KMT2C: variants seen among roughly 807,000 people sequenced by gnomAD.
The protein encoded by KMT2C is histone-lysine N-methyltransferase 2C.
In KMT2C, 88 loss-of-function variants were observed where a neutral mutation model predicts 507.9. The ratio of observed to expected loss-of-function variants is 0.17; its 90% CI spans 0.15 to 0.21. KMT2C has a LOEUF of 0.21. Ranked by LOEUF, KMT2C falls within the 10% of genes least tolerant of loss-of-function variation. KMT2C has a pLI of 1.00. For synonymous variants in KMT2C, 2,049 were observed against 2,080.8 expected, an observed-to-expected ratio of 0.98 and a Z score of 0.42; for missense variants, 4,954 against 5,957.8, an observed-to-expected ratio of 0.83 and a Z score of 5.55.
intron 18 of KMT2C, among the ~76,000 whole-genome samples, chr7:152,227,463 CA>C (rs1563484339): frequency 6.6e-6 from 1 of 152,128 alleles, no homozygotes; most frequent in African/African-American, 2.4e-5. Context: ...GAAAATGGGA[CA>C]AAGTGTATGA....
chr7:152,140,459 G>A (rs1339484946), intron 55 of KMT2C, among the ~76,000 whole-genome samples: 2 of 152,214 alleles, frequency 1.3e-5, no homozygotes, highest in African/African-American at 2.4e-5. Flanking sequence ...GGCCTGCCAG[G>A]TGCACTATTC....
chr7:152,155,998 A>G lies in KMT2C; in HGVS notation c.11872T>C (p.Leu3958=), dbSNP rs966136500. 1.2e-6 allele frequency: 2 copies of G among 1,610,108 alleles called. No homozygotes were observed. Among genetic ancestry groups the G allele is most frequent in the Admixed American group, 1.7e-5 (1 of 58,376 alleles). Residue 3958 remains leucine, a synonymous_variant, in exon 46 of 59, where the codon TTG becomes CTG. Transcript: ENST00000262189. Reference sequence around the variant, plus strand: ...GGGCCCTGAGCAAGAGCTCGGGCCAACAAGTCGTCCTGGGGTCTGAAGGGC... The same window carrying G: ...GGGCCCTGAGCAAGAGCTCGGGCCAGCAAGTCGTCCTGGGGTCTGAAGGGC... The part of the protein sequence containing the change: ...QLPFRPQDDL[L]ARALAQGPKT...
intron 1 of KMT2C, chr7:152,368,231 C>A: frequency 2.2e-6 from 2 of 900,090 alleles, no homozygotes; most frequent in Non-Finnish European, 3.8e-6. Context: ...AAAACACACA[C>A]TCAGGACTTG....
intron 16 of KMT2C, 86 bp downstream of exon 16, chr7:152,235,731 C>T (rs1465263423): frequency 1.9e-6 from 2 of 1,034,618 alleles, no homozygotes; most frequent in Non-Finnish European, 3.0e-6. Context: ...ATTTATATGA[C>T]TCTTAAGATC....
intron 40 of KMT2C, 61 bp downstream of exon 40, chr7:152,171,203 T>G: frequency 8.9e-7 from 1 of 1,128,828 alleles, no homozygotes; most frequent in Admixed American, 2.3e-5. Context: ...CTCTAAAGCA[T>G]GAGTTTGCTG....
intron 14 of KMT2C, among the ~76,000 whole-genome samples, chr7:152,240,939 T>G (rs2095370948): frequency 6.6e-6 from 1 of 152,186 alleles, no homozygotes; most frequent in South Asian, 2.1e-4. Flanking sequence ...AGAGAAACTT[T>G]TCAAAAGTAC....
At chr7:152,424,300 C>G (rs942927053) in intron 1 of KMT2C, among the ~76,000 whole-genome samples, 1 of 151,922 alleles carries the variant, frequency 6.6e-6, no homozygotes, top group Non-Finnish European at 1.5e-5. Flanking sequence ...TTGTTCTTAG[C>G]GTCCCTTAAT....
chr7:152,288,617 T>C (rs1366278566), intron 6 of KMT2C, among the ~76,000 whole-genome samples: 2 of 152,170 alleles, frequency 1.3e-5, no homozygotes, highest in African/African-American at 4.8e-5. Flanking sequence ...GCAACATTCC[T>C]GTCACTGGAA....
At chr7:152,392,921 C>A (rs1286271737) in intron 1 of KMT2C, among the ~76,000 whole-genome samples, 1 of 152,106 alleles carries the variant, frequency 6.6e-6, no homozygotes, top group African/African-American at 2.4e-5. Context: ...ATAGTGATAT[C>A]TTGTCTCTAC....
intron 9 of KMT2C, among the ~76,000 whole-genome samples, chr7:152,254,505 G>A (rs770491094): frequency 4.6e-5 from 7 of 152,086 alleles, no homozygotes; most frequent in Non-Finnish European, 1.0e-4. Context: ...GATGATTAAA[G>A]AAAGAAGTCT....
chr7:152,333,500 A>G lies in KMT2C; in HGVS notation c.251-2761T>C, dbSNP rs76628405. Among the ~76,000 whole-genome samples the G allele has an allele frequency of 4.6e-5, 7 of 152,322 alleles. No individual in the cohort carries two copies. The East Asian group carries it at 5.8e-4, about 13-fold the overall frequency. On this transcript the variant is annotated intron_variant, in intron 2 of 58. Coordinates refer to ENST00000262189, the MANE Select transcript of KMT2C (RefSeq NM_170606.3). ...TCTGGACTTTATGATTTGTAAGTCA[A>G]CATCTCTAGCACTAACTCCTCTCCT...
intron 48 of KMT2C, 118 bp from the exon 49 acceptor site, chr7:152,153,072 A>C: frequency 1.5e-6 from 2 of 1,311,030 alleles, no homozygotes; most frequent in South Asian, 3.2e-5. Context: ...AAGAAAATCC[A>C]ACAAATTTTA....
In KMT2C at chr7:152,149,028, G is replaced by C. The variant is rs1362399833; in HGVS notation, c.12899C>G (p.Ser4300Cys). Residue 4300 changes from serine to cysteine, a missense_variant, in exon 52 of 59, where the codon TCT (serine) becomes TGT (cysteine). Around this residue, in one of 29 missense-constraint regions of KMT2C, gnomAD observed 417 missense variants for 461.1 expected, o/e 0.90. Transcript: ENST00000262189. ...GGCGATGGGTGGTGAGGCAGGGGGA[G>C]AAGCTTTCTCTGGGAGCTGGGGGAG... ...HCLPQLPEKA[S>C]PPASPPIAFP... 6.5e-7 allele frequency: 1 copy of C among 1,538,564 alleles called. No individual in the cohort carries two copies. The highest frequency in any genetic ancestry group is 2.3e-5 in the East Asian group (1 of 44,438).
chr7:152,326,259 C>T (rs2096827450), intron 3 of KMT2C, among the ~76,000 whole-genome samples: 1 of 152,054 alleles, frequency 6.6e-6, no homozygotes, highest in Non-Finnish European at 1.5e-5. Flanking sequence ...TTTTCTTGAA[C>T]CTACACATCA....
rs1263455867 is a variant in KMT2C, at chr7:152,169,275, T to C, written c.9454-26A>G. On this transcript the variant is annotated intron_variant, in intron 40 of 58. Transcript: ENST00000262189. Reference sequence around the variant, plus strand: ...CTAAAATAAGTAAAATTTACAAATATGTTTATTCCACATTTCAGTTAAAGG... The same window carrying C: ...CTAAAATAAGTAAAATTTACAAATACGTTTATTCCACATTTCAGTTAAAGG... 6 of 1,319,408 alleles carry C rather than the reference T, an allele frequency of 4.5e-6. 1 individual carries two copies. The highest frequency in any genetic ancestry group is 1.8e-4 in the Middle Eastern group (1 of 5,456). 81.7% of individuals were successfully genotyped at this position (1,319,408 alleles called of 1,614,324 possible).
Position 152,181,931 on chromosome 7 carries a change from G to C in KMT2C, c.5929C>G (p.Gln1977Glu), listed in dbSNP as rs2129120532. 3 of 1,614,170 alleles carry C rather than the reference G, an allele frequency of 1.9e-6. No individual in the cohort carries two copies. Among genetic ancestry groups the C allele is most frequent in the Non-Finnish European group, 2.5e-6 (3 of 1,180,032 alleles). Residue 1977 changes from glutamine (Q) to glutamate (E), a missense_variant, in exon 36 of 59, where the codon CAA becomes GAA. Around this residue, in one of 29 missense-constraint regions of KMT2C, gnomAD observed 1,689 missense variants for 1,654.3 expected, o/e 1.02. Coordinates refer to ENST00000262189, the MANE Select transcript of KMT2C (RefSeq NM_170606.3). ...GATAGGCCCAAGGATTTGGGAAATTGATCTGTCATCACAGGCCTAGGTGTG... is the reference window on the plus strand; with the variant it reads ...GATAGGCCCAAGGATTTGGGAAATTCATCTGTCATCACAGGCCTAGGTGTG... ...PDTPRPVMTD[Q>E]FPKSLGLSRS...
intron 1 of KMT2C, among the ~76,000 whole-genome samples, chr7:152,400,225 C>T (rs993307950): frequency 3.3e-5 from 5 of 152,016 alleles, no homozygotes; most frequent in African/African-American, 1.2e-4. Flanking sequence ...AGAAGAATAG[C>T]TTGAACCCAG....
intron 2 of KMT2C, among the ~76,000 whole-genome samples, chr7:152,334,383 C>T (rs182630070): frequency 1.3e-5 from 2 of 152,142 alleles, no homozygotes; most frequent in Admixed American, 6.5e-5. Flanking sequence ...ACTTGGGAGG[C>T]GGAGGTTGCG....
At chr7:152,380,842 A>G (rs2097367790) in intron 1 of KMT2C, among the ~76,000 whole-genome samples, 1 of 152,148 alleles carries the variant, frequency 6.6e-6, no homozygotes, top group Non-Finnish European at 1.5e-5. Flanking sequence ...AGGTGGACAG[A>G]AAAGTAAAAT....
Sources: gnomAD v4.1 joint callset for allele counts (sites outside exome capture counted in the v4.1 genomes callset) on GRCh38, gnomAD v4.1.1 for gene constraint, gnomAD v4.1.1 regional missense constraint, MANE v1.5 for transcripts, NCBI Gene and HGNC (gene_info 2026-07-23, HGNC 2026-07-21) for gene names.